Variants in MDN1 observed in about 807,000 individuals in gnomAD.
The protein encoded by MDN1 is midasin AAA ATPase 1.
MDN1 carries 266 observed loss-of-function variants against 669.2 expected under a neutral mutation model. The observed-to-expected ratio is 0.40, with a 90% confidence interval of 0.36 to 0.44. The LOEUF (loss-of-function observed/expected upper bound fraction) is 0.44, where lower values mean the gene tolerates loss of function less well. Ranked by LOEUF, MDN1 falls within the 20% of genes least tolerant of loss-of-function variation. The pLI is 1.00. For missense variants in MDN1, 5,940 were observed against 6,754.0 expected, an observed-to-expected ratio of 0.88 and a Z score of 4.22; for synonymous variants, 2,385 against 2,457.1, an observed-to-expected ratio of 0.97 and a Z score of 0.87.
chr6:89,735,632 C>T (rs1815922927), intron 33 of MDN1, among the ~76,000 whole-genome samples: 1 of 152,092 alleles, frequency 6.6e-6, no homozygotes, highest in South Asian at 2.1e-4. Context: ...TTAAGTAGAA[C>T]CCACAGTGGT....
chr6:89,711,743 A>T (rs1039987911), intron 49 of MDN1, among the ~76,000 whole-genome samples: 5 of 152,196 alleles, frequency 3.3e-5, no homozygotes, highest in African/African-American at 1.2e-4. Context: ...CAAAAAGCAG[A>T]TGTTCAAAAC....
At chr6:89,656,082 A>G in intron 91 of MDN1, 114 bp from the exon 92 acceptor site, 1 of 897,456 alleles carries the variant, frequency 1.1e-6, no homozygotes, top group Non-Finnish European at 1.7e-6. Flanking sequence ...GTAGCCATAC[A>G]AGAATGGAAT....
At chr6:89,810,340 G>A (rs1344961962) in intron 1 of MDN1, among the ~76,000 whole-genome samples, 1 of 152,042 alleles carries the variant, frequency 6.6e-6, no homozygotes, top group Non-Finnish European at 1.5e-5. Flanking sequence ...GAAGGCTGAG[G>A]CAGGAGAATC....
intron 27 of MDN1, among the ~76,000 whole-genome samples, chr6:89,745,839 T>C (rs1041329017): frequency 1.8e-4 from 28 of 152,198 alleles, no homozygotes; most frequent in African/African-American, 6.3e-4. Flanking sequence ...AATGAACATG[T>C]GTGTGTCGAA....
chr6:89,687,288 C>T, intron 68 of MDN1, 56 bp downstream of exon 68: 1 of 1,489,010 alleles, frequency 6.7e-7, no homozygotes, highest in Non-Finnish European at 9.2e-7. Flanking sequence ...TTTAAACTAC[C>T]AAAAGACAAA....
At position 89,730,725 on chromosome 6, in the gene MDN1, C is replaced by A. The variant is rs1319835567; in HGVS notation, c.5140+1G>T. The A allele has an allele frequency of 7.5e-6, 12 of 1,610,118 alleles. No individual in the cohort carries two copies. The highest frequency in any genetic ancestry group is 8.5e-6 in the Non-Finnish European group (10 of 1,178,416). On this transcript the variant is annotated splice_donor_variant, in intron 35 of 101. Coordinates refer to ENST00000369393, the MANE Select transcript of MDN1 (RefSeq NM_014611.3). LOFTEE classifies it high-confidence loss of function. The stretch of plus-strand genomic sequence containing the variant: ...ATTCATTTTTTAAAAATCATTCTTA[C>A]CCCTTGGTATAAAAAATGGATGAAT...
chr6:89,670,039 C>T (rs1209018122), intron 83 of MDN1, among the ~76,000 whole-genome samples: 2 of 148,792 alleles, frequency 1.3e-5, no homozygotes, highest in Non-Finnish European at 3.0e-5. Flanking sequence ...CCTGTCTCTA[C>T]TAAAAATACA....
chr6:89,735,748 A>G (rs539965662), intron 33 of MDN1, among the ~76,000 whole-genome samples: 2 of 152,168 alleles, frequency 1.3e-5, no homozygotes, highest in African/African-American at 4.8e-5. Flanking sequence ...TCGGCCAGGC[A>G]TGGTGGCTCA....
intron 15 of MDN1, among the ~76,000 whole-genome samples, chr6:89,765,359 A>G (rs928353406): frequency 6.6e-6 from 1 of 152,234 alleles, no homozygotes; most frequent in East Asian, 1.9e-4. Context: ...AGTAGAAGCA[A>G]AGATAAGAGA....
chr6:89,754,718 C>T (rs1338432668), intron 20 of MDN1, among the ~76,000 whole-genome samples: 1 of 152,108 alleles, frequency 6.6e-6, no homozygotes, highest in East Asian at 1.9e-4. Flanking sequence ...CTTTAGAAGT[C>T]CAGATGATGA....
chr6:89,765,588 A>G (rs1294476234), intron 15 of MDN1, among the ~76,000 whole-genome samples: 2 of 152,230 alleles, frequency 1.3e-5, no homozygotes, highest in African/African-American at 4.8e-5. Context: ...TGCTGAGATT[A>G]CATGCATGAG....
chr6:89,671,020 C>T lies in MDN1; in HGVS notation c.13855G>A (p.Asp4619Asn). 1 of 1,614,108 alleles carries T rather than the reference C, an allele frequency of 6.2e-7. No homozygotes were observed. Among genetic ancestry groups the T allele is most frequent in the Non-Finnish European group, 8.5e-7 (1 of 1,180,016 alleles). ...RLVPVLSSYS[D>N]LVLFFLTMSL... ...ATGGTCAGGAAGAAGAGGACGAGGT[C>T]TGAGTAGCTGGAGAGGACCGGCACC... Residue 4619 changes from aspartate to asparagine, a missense_variant, in exon 83 of 102, where the codon GAC becomes AAC. By Grantham distance (23) the Asp-to-Asn change is conservative. Transcript: ENST00000369393.
intron 10 of MDN1, 141 bp from the exon 11 acceptor site, chr6:89,780,434 G>A: frequency 4.4e-6 from 2 of 458,926 alleles, no homozygotes; most frequent in Non-Finnish European, 7.7e-6. Flanking sequence ...TTAGATAAAA[G>A]GTATTTGGGA....
intron 51 of MDN1, among the ~76,000 whole-genome samples, chr6:89,708,052 G>A (rs541415282): frequency 1.7e-4 from 26 of 152,032 alleles, no homozygotes; most frequent in Non-Finnish European, 3.2e-4. Flanking sequence ...CTATAACCCC[G>A]GCACTTTGGG....
chr6:89,694,708 T>A (rs1331798650), intron 61 of MDN1, among the ~76,000 whole-genome samples: 1 of 139,194 alleles, frequency 7.2e-6, no homozygotes, highest in Non-Finnish European at 1.6e-5. Flanking sequence ...CACACCCAGC[T>A]TTTTTTTTTT....
chr6:89,703,305 C>A (rs989225022), intron 53 of MDN1, among the ~76,000 whole-genome samples: 6 of 149,522 alleles, frequency 4.0e-5, no homozygotes, highest in Admixed American at 1.4e-4. Context: ...CCATTTTTTG[C>A]CATTAAATTA....
intron 5 of MDN1, among the ~76,000 whole-genome samples, chr6:89,790,724 A>T (rs1000684303): frequency 6.6e-6 from 1 of 152,158 alleles, no homozygotes; most frequent in African/African-American, 2.4e-5. Flanking sequence ...ATAAATTTTT[A>T]AAAATAAAGC....
intron 77 of MDN1, 68 bp downstream of exon 77, chr6:89,676,034 C>A: frequency 7.1e-7 from 1 of 1,407,232 alleles, no homozygotes; most frequent in South Asian, 1.2e-5. Context: ...TCTGAGAATA[C>A]AGCCCTGGGA....
At position 89,701,795 on chromosome 6, in the gene MDN1, C is replaced by A. The variant is rs1398187799; in HGVS notation, c.8306+109G>T. 3 of 1,518,692 alleles carry A rather than the reference C, an allele frequency of 2.0e-6. No individual in the cohort carries two copies. In the Admixed American group the frequency reaches 6.5e-5, roughly 33 times the overall value. 94.1% of individuals were successfully genotyped at this position (1,518,692 alleles called of 1,614,324 possible). On this transcript the variant is annotated intron_variant, in intron 54 of 101. Transcript: ENST00000369393. ...TTTTAATTGTACATTCACCAATATG[C>A]CAAGGGAATAAACCAAAATAAAGCA...
Sources: allele counts gnomAD v4.1 joint callset (sites outside exome capture counted in the v4.1 genomes callset), GRCh38; gene constraint gnomAD v4.1.1; transcripts MANE v1.5; gene names NCBI Gene and HGNC (gene_info 2026-07-23, HGNC 2026-07-21).